Variants in LCORL observed in about 807,000 individuals in gnomAD.
The protein encoded by LCORL is ligand-dependent nuclear receptor corepressor-like protein.
LCORL carries 41 observed loss-of-function variants against 141.8 expected under a neutral mutation model. The observed-to-expected ratio is 0.29, with a 90% CI of 0.23 to 0.38. The LOEUF (loss-of-function observed/expected upper bound fraction) is 0.38. Among genes scored for constraint, LCORL ranks in the 10% least tolerant of loss-of-function variants. The probability of loss-of-function intolerance (pLI) is 1.00; values close to 1 mark genes in which losing one functional copy is unlikely to be tolerated. For missense variants in LCORL, 1,759 were observed against 2,035.0 expected (o/e 0.86, Z 2.61); for synonymous variants, 618 against 694.1 (o/e 0.89, Z 1.72).
At chr4:17,944,932 A>G (rs1209631809) in intron 4 of LCORL, among the ~76,000 whole-genome samples, 2 of 152,194 alleles carry the variant, frequency 1.3e-5, no homozygotes, top group African/African-American at 2.4e-5. Flanking sequence ...GGCTGTGGAT[A>G]TAATATACAA....
At chr4:17,852,518 G>A (rs528309328) in intron 7 of LCORL, among the ~76,000 whole-genome samples, 2 of 152,222 alleles carry the variant, frequency 1.3e-5, no homozygotes, top group African/African-American at 4.8e-5. Context: ...TAGTTTTGCC[G>A]CATGTTTTGG....
chr4:17,998,023 T>A (rs1721181634), intron 1 of LCORL, among the ~76,000 whole-genome samples: 1 of 152,186 alleles, frequency 6.6e-6, no homozygotes, highest in African/African-American at 2.4e-5. Context: ...TACACAAACC[T>A]AAATAGAAGA....
intron 4 of LCORL, among the ~76,000 whole-genome samples, chr4:17,946,783 T>C (rs1378420822): frequency 1.3e-5 from 2 of 151,930 alleles, no homozygotes; most frequent in African/African-American, 2.4e-5. Context: ...AAACATAACA[T>C]CTTTTAAGCA....
intron 4 of LCORL, among the ~76,000 whole-genome samples, chr4:17,931,188 T>A (rs1358463323): frequency 6.6e-6 from 1 of 152,116 alleles, no homozygotes. Context: ...ACTTTCTCTC[T>A]ATTACCCCCT....
intron 7 of LCORL, among the ~76,000 whole-genome samples, chr4:17,852,395 GAA>G (rs985533541): frequency 6.8e-6 from 1 of 147,488 alleles, no homozygotes; most frequent in African/African-American, 2.5e-5. Context: ...TTCTTCATAA[GAA>G]AAAAAAAAGG....
chr4:17,873,361 TTTAAAA>T, intron 7 of LCORL, 21 bp downstream of exon 7: 5 of 1,227,306 alleles, frequency 4.1e-6, no homozygotes, highest in Non-Finnish European at 5.1e-6. Flanking sequence ...ACAATGAAAC[TTTAAAA>T]TTAAGTAGAG....
At position 18,021,712 on chromosome 4, in the gene LCORL, C is replaced by T; in HGVS notation, c.40G>A (p.Ala14Thr). ...GCGGCGGCGGCGGCGGCGGCAGCAGCGGCGGCGGCAGCGGCCATTCTCTCT... is the reference window on the plus strand; with the variant it reads ...GCGGCGGCGGCGGCGGCGGCAGCAGTGGCGGCGGCAGCGGCCATTCTCTCT... The change falls in exon 1 of 8, where the codon GCT (alanine) becomes ACT (threonine). Residue 14 changes from alanine to threonine, a missense_variant. Physicochemically the swap from Ala to Thr is moderately conservative, Grantham distance 58 (BLOSUM62 0). Around this residue, in one of 5 missense-constraint regions of LCORL, gnomAD observed 86 missense variants for 61.8 expected, o/e 1.39. Transcript: ENST00000635767. The surrounding 1 kb of genome is among the most constrained non-coding windows in gnomAD (Gnocchi z 5.5). The T allele has an allele frequency of 6.5e-7, 1 of 1,527,800 alleles. No individual in the cohort carries two copies. The highest frequency in any genetic ancestry group is 1.8e-4 in the Middle Eastern group (1 of 5,550). The allele number at this position is 1,527,800 out of a possible 1,614,324, so 94.6% of individuals were successfully genotyped here.
intron 5 of LCORL, among the ~76,000 whole-genome samples, chr4:17,887,775 A>G (rs947821605): frequency 3.3e-5 from 5 of 152,162 alleles, no homozygotes; most frequent in African/African-American, 9.6e-5. Context: ...GCTATGGGAG[A>G]ATGGACCGCA....
chr4:17,962,932 C>A (rs1714132693), intron 3 of LCORL, 38 bp downstream of exon 3: 1 of 1,088,894 alleles, frequency 9.2e-7, no homozygotes, highest in Non-Finnish European at 1.3e-6. Context: ...TACAATTGTG[C>A]ATTAGTTTAA....
At chr4:17,902,214 G>A (rs1294038060) in intron 5 of LCORL, among the ~76,000 whole-genome samples, 1 of 152,164 alleles carries the variant, frequency 6.6e-6, no homozygotes, top group African/African-American at 2.4e-5. Flanking sequence ...GATTTTAGAC[G>A]TTATCTAAAG....
chr4:17,897,421 T>A (rs1730158570), intron 5 of LCORL, among the ~76,000 whole-genome samples: 1 of 151,872 alleles, frequency 6.6e-6, no homozygotes, highest in African/African-American at 2.4e-5. Flanking sequence ...AAAACAGTAA[T>A]ATTTTAAGTC....
chr4:17,880,983 A>G (rs1199882211), intron 6 of LCORL: 13 of 983,530 alleles, frequency 1.3e-5, no homozygotes, highest in Non-Finnish European at 1.6e-5. Flanking sequence ...CATTGGAAAT[A>G]CTGCAATTAA....
intron 5 of LCORL, among the ~76,000 whole-genome samples, chr4:17,902,800 T>A (rs933820265): frequency 6.6e-6 from 1 of 151,984 alleles, no homozygotes; most frequent in African/African-American, 2.4e-5. Context: ...ACATAATTTG[T>A]TAAAAAGAAA....
chr4:18,021,573 G>C lies in LCORL; in HGVS notation c.154+25C>G. 6.6e-7 allele frequency: 1 copy of C among 1,508,866 alleles called. No individual in the cohort carries two copies. Among genetic ancestry groups the C allele is most frequent in the Non-Finnish European group, 8.8e-7 (1 of 1,129,976 alleles). 93.5% of individuals were successfully genotyped at this position (1,508,866 alleles called of 1,614,324 possible). On this transcript the variant is annotated intron_variant, in intron 1 of 7. Transcript: ENST00000635767. The surrounding 1 kb of genome is among the most constrained non-coding windows in gnomAD (Gnocchi z 5.5). ...GACAGCGGTCGCCGCGCGGAGCCCGGGGCCCCGGCCCGCGTCTCTCTTACC... is the reference window on the plus strand; with the variant it reads ...GACAGCGGTCGCCGCGCGGAGCCCGCGGCCCCGGCCCGCGTCTCTCTTACC...
chr4:18,010,209 C>T (rs1723480647), intron 1 of LCORL, among the ~76,000 whole-genome samples: 1 of 151,426 alleles, frequency 6.6e-6, no homozygotes, highest in Non-Finnish European at 1.5e-5. Flanking sequence ...GAAGAGAGCA[C>T]TGGGTTTCCT....
intron 5 of LCORL, among the ~76,000 whole-genome samples, chr4:17,891,440 A>AT (rs1729066241): frequency 6.6e-6 from 1 of 152,140 alleles, no homozygotes; most frequent in South Asian, 2.1e-4. Context: ...AGAAAATAAT[A>AT]TTTAACATAA....
intron 4 of LCORL, among the ~76,000 whole-genome samples, chr4:17,920,745 A>T (rs553163025): frequency 6.6e-6 from 1 of 152,236 alleles, no homozygotes; most frequent in Non-Finnish European, 1.5e-5. Flanking sequence ...TCTTTGCCAG[A>T]AGTAAATTCC....
chr4:17,888,936 G>C (rs1728679609), intron 5 of LCORL, among the ~76,000 whole-genome samples: 1 of 151,962 alleles, frequency 6.6e-6, no homozygotes, highest in African/African-American at 2.4e-5. Context: ...ATTCCCCTAA[G>C]TCTGTTACTC....
intron 5 of LCORL, among the ~76,000 whole-genome samples, chr4:17,905,145 T>C (rs572683856): frequency 3.4e-4 from 52 of 152,252 alleles, no homozygotes; most frequent in African/African-American, 1.2e-3. Context: ...GGTGGCTGAG[T>C]AAGGACCTCT....
Sources: gnomAD v4.1 joint callset for allele counts (sites outside exome capture counted in the v4.1 genomes callset) on GRCh38, gnomAD v4.1.1 for gene constraint, gnomAD v4.1.1 regional missense constraint, Gnocchi (gnomAD v3.1) non-coding constraint, MANE v1.5 for transcripts, NCBI Gene and HGNC (gene_info 2026-07-23, HGNC 2026-07-21) for gene names.